RCAN2: variants seen among roughly 807,000 people sequenced by gnomAD.
RCAN2 encodes regulator of calcineurin 2.
In RCAN2, 9 loss-of-function variants were observed where a neutral mutation model predicts 23.6. The observed-to-expected ratio is 0.38, with a 90% CI of 0.23 to 0.67. The LOEUF is 0.67. Among genes scored for constraint, RCAN2 ranks in the 30% least tolerant of loss-of-function variants. The probability of loss-of-function intolerance (pLI) is 0.51; values close to 1 mark genes in which losing one functional copy is unlikely to be tolerated. For synonymous variants in RCAN2, 109 were observed against 115.7 expected (o/e 0.94, Z 0.37); for missense variants, 273 against 302.3 (o/e 0.90, Z 0.72).
chr6:46,223,370 G>C, intron 4 of RCAN2, 69 bp from the exon 5 acceptor site: 3 of 1,444,838 alleles, frequency 2.1e-6, no homozygotes, highest in Non-Finnish European at 2.9e-6. Context: ...AGCAGGGTCT[G>C]CTTAGGAAAT....
At chr6:46,455,400 A>C (rs1444145026) in intron 2 of RCAN2, among the ~76,000 whole-genome samples, 1 of 152,186 alleles carries the variant, frequency 6.6e-6, no homozygotes, top group Non-Finnish European at 1.5e-5. Flanking sequence ...GTCTGTGGCT[A>C]TCAGGATTGT....
intron 2 of RCAN2, among the ~76,000 whole-genome samples, chr6:46,429,067 C>T (rs560934736): frequency 5.3e-5 from 8 of 152,196 alleles, no homozygotes; most frequent in African/African-American, 1.9e-4. Flanking sequence ...ATATTAATCA[C>T]ATGTATAATT....
chr6:46,485,867 A>G (rs1429539845), intron 1 of RCAN2, among the ~76,000 whole-genome samples: 1 of 152,164 alleles, frequency 6.6e-6, no homozygotes, highest in Non-Finnish European at 1.5e-5. Flanking sequence ...GGTACTGACA[A>G]CAAATAAGTT....
At chr6:46,391,069 G>C (rs1347492046) in intron 2 of RCAN2, among the ~76,000 whole-genome samples, 1 of 152,158 alleles carries the variant, frequency 6.6e-6, no homozygotes, top group African/African-American at 2.4e-5. Context: ...GGAGTCAGGA[G>C]GCTTTGCTCA....
rs574501002 is a variant in RCAN2, at chr6:46,223,240, G to A, written c.633C>T (p.Cys211=). The stretch of plus-strand genomic sequence containing the variant: ...CCTCTTCTTCCTCTATGTCACTGTC[G>A]CACACGTGCACGACGACACTTGGGG... ...ESTPSVVVHV[C]DSDIEEEEDP... is the part of the protein sequence containing the mutation. The change falls in exon 5 of 5, where the codon TGC becomes TGT. Residue 211 remains cysteine, a synonymous_variant. Coordinates refer to ENST00000371374, the MANE Select transcript of RCAN2 (RefSeq NM_001251974.2). 9.9e-6 allele frequency: 16 copies of A among 1,613,722 alleles called. No homozygotes were observed. The African/African-American group carries it at 1.1e-4, about 11-fold the overall frequency.
intron 2 of RCAN2, among the ~76,000 whole-genome samples, chr6:46,401,115 A>G (rs192548806): frequency 6.6e-6 from 1 of 152,302 alleles, no homozygotes; most frequent in African/African-American, 2.4e-5. Flanking sequence ...TTAGACCCAG[A>G]TGAGGAGCCC....
At chr6:46,331,392 G>A (rs958130086) in intron 2 of RCAN2, among the ~76,000 whole-genome samples, 2 of 151,956 alleles carry the variant, frequency 1.3e-5, no homozygotes, top group Non-Finnish European at 2.9e-5. Flanking sequence ...AGTATCATTA[G>A]GAATTCATGG....
intron 2 of RCAN2, among the ~76,000 whole-genome samples, chr6:46,346,810 T>C (rs1764495408): frequency 1.3e-5 from 2 of 151,932 alleles, no homozygotes; most frequent in Admixed American, 6.5e-5. Flanking sequence ...ATTTTGTCCC[T>C]ATAATAACAG....
intron 2 of RCAN2, among the ~76,000 whole-genome samples, chr6:46,363,796 C>A (rs1401193521): frequency 2.5e-5 from 1 of 40,800 alleles, no homozygotes; most frequent in East Asian, 6.7e-4. Flanking sequence ...AATAATGATT[C>A]TCATGCAAAT....
In RCAN2 at chr6:46,246,791, G is replaced by GC; in HGVS notation, c.527_528insG (p.Leu177ProfsTer4). On this transcript the variant is annotated frameshift_variant, in exon 4 of 5. Coordinates refer to ENST00000371374, the MANE Select transcript of RCAN2 (RefSeq NM_001251974.2). LOFTEE classifies it high-confidence loss of function. Reference sequence around the variant, plus strand: ...CAGCATAGAGGAGGTCATAGTTGAGGACTGGCGTGGCATCGTTGATGGGCT... The same window carrying GC: ...CAGCATAGAGGAGGTCATAGTTGAGGCACTGGCGTGGCATCGTTGATGGGCT... The GC allele has an allele frequency of 6.2e-7, 1 of 1,613,760 alleles. No individual in the cohort carries two copies. Among genetic ancestry groups the GC allele is most frequent in the Non-Finnish European group, 8.5e-7 (1 of 1,179,868 alleles).
rs758017395 is a variant in RCAN2, at chr6:46,325,522, G to T, written c.226-76626C>A. ...TAATAAAGAGTTAGGCAACCTCAGAGTTGGGAGTGAAGGGAAGAGCTTCCA... is the reference window on the plus strand; with the variant it reads ...TAATAAAGAGTTAGGCAACCTCAGATTTGGGAGTGAAGGGAAGAGCTTCCA... On this transcript the variant is annotated intron_variant, in intron 2 of 4. Coordinates refer to ENST00000371374, the MANE Select transcript of RCAN2 (RefSeq NM_001251974.2). The T allele has an allele frequency of 5.0e-6, 8 of 1,612,114 alleles. No homozygotes were observed. In the South Asian group the frequency reaches 6.6e-5, roughly 13 times the overall value.
At chr6:46,244,231 G>A (rs1331115695) in intron 4 of RCAN2, among the ~76,000 whole-genome samples, 2 of 152,182 alleles carry the variant, frequency 1.3e-5, no homozygotes, top group African/African-American at 4.8e-5. Flanking sequence ...TTATTGATAA[G>A]TTATTTACCA....
intron 4 of RCAN2, among the ~76,000 whole-genome samples, chr6:46,243,122 G>A (rs757016274): frequency 1.3e-5 from 2 of 152,176 alleles, no homozygotes; most frequent in African/African-American, 2.4e-5. Flanking sequence ...GACGCGATGT[G>A]GGGGAGGATG....
intron 2 of RCAN2, among the ~76,000 whole-genome samples, chr6:46,335,250 A>G (rs58585138): frequency 0.42 from 64,145 of 152,070 alleles, 14,987 homozygotes; most frequent in East Asian, 0.6. Flanking sequence ...GAGAAAGGAC[A>G]TCAAATTCTG....
intron 2 of RCAN2, among the ~76,000 whole-genome samples, chr6:46,436,794 C>CT (rs1455006726): frequency 9.2e-5 from 14 of 151,906 alleles, no homozygotes; most frequent in African/African-American, 3.1e-4. Context: ...ATGCTAAGGC[C>CT]CTCTCTCTCT....
At chr6:46,349,023 A>G (rs1457991230) in intron 2 of RCAN2, among the ~76,000 whole-genome samples, 1 of 152,224 alleles carries the variant, frequency 6.6e-6, no homozygotes, top group Non-Finnish European at 1.5e-5. Context: ...ATAATAGGAC[A>G]GTTGAGTCAG....
intron 1 of RCAN2, among the ~76,000 whole-genome samples, chr6:46,480,573 A>G (rs1277457559): frequency 6.6e-6 from 1 of 152,222 alleles, no homozygotes; most frequent in African/African-American, 2.4e-5. Flanking sequence ...TCTGGAAAAA[A>G]GAAACCTATT....
In RCAN2 at chr6:46,319,987, G is replaced by A. The variant is rs534362346; in HGVS notation, c.226-71091C>T. 1.8e-3 allele frequency among the ~76,000 whole-genome samples: 274 copies of A among 152,248 alleles called. 2 individuals are homozygous for A. The highest frequency in any genetic ancestry group is 6.4e-3 in the African/African-American group (265 of 41,550). ...ATTACTATTATGGTCATTGAATAGGGAATGAGCATTTCAGTTGACTTCACG... is the reference window on the plus strand; with the variant it reads ...ATTACTATTATGGTCATTGAATAGGAAATGAGCATTTCAGTTGACTTCACG... On this transcript the variant is annotated intron_variant, in intron 2 of 4. Coordinates refer to ENST00000371374, the MANE Select transcript of RCAN2 (RefSeq NM_001251974.2).
intron 2 of RCAN2, among the ~76,000 whole-genome samples, chr6:46,258,864 C>T (rs1031275590): frequency 2.0e-5 from 3 of 151,984 alleles, no homozygotes; most frequent in African/African-American, 7.3e-5. Flanking sequence ...ACAAAATAAC[C>T]CAAACACCTC....
Sources: allele counts gnomAD v4.1 joint callset (sites outside exome capture counted in the v4.1 genomes callset), GRCh38; gene constraint gnomAD v4.1.1; transcripts MANE v1.5; gene names NCBI Gene and HGNC (gene_info 2026-07-23, HGNC 2026-07-21).